Variants in EXOC6B observed in about 807,000 individuals in gnomAD.
EXOC6B encodes SEC15 homolog B.
EXOC6B carries 54 observed loss-of-function variants against 113.5 expected under a neutral mutation model. The observed-to-expected ratio is 0.48, with a 90% confidence interval of 0.38 to 0.60. The LOEUF (loss-of-function observed/expected upper bound fraction) is 0.60, where lower values mean the gene tolerates loss of function less well. Ranked by LOEUF, EXOC6B falls within the 20% of genes least tolerant of loss-of-function variation. The pLI, the probability that EXOC6B is intolerant of heterozygous loss-of-function variation, is 0.00. For synonymous variants in EXOC6B, 357 were observed against 339.0 expected (o/e 1.05, Z -0.58); for missense variants, 797 against 977.5 (o/e 0.82, Z 2.46).
At chr2:72,305,394 T>G (rs1235892404) in intron 20 of EXOC6B, among the ~76,000 whole-genome samples, 1 of 133,956 alleles carries the variant, frequency 7.5e-6, no homozygotes, top group African/African-American at 2.6e-5. Flanking sequence ...GAATGAGATT[T>G]TGGTCCTCAC....
intron 7 of EXOC6B, among the ~76,000 whole-genome samples, chr2:72,561,301 GA>G (rs879898090): frequency 4.6e-5 from 7 of 151,920 alleles, no homozygotes; most frequent in African/African-American, 9.7e-5. Flanking sequence ...ACATGCATAT[GA>G]AAAAAATATT....
chr2:72,650,240 T>C (rs1674063143), intron 6 of EXOC6B, among the ~76,000 whole-genome samples: 2 of 152,262 alleles, frequency 1.3e-5, no homozygotes, highest in South Asian at 2.1e-4. Flanking sequence ...CTACATCAGT[T>C]TGTGGAAAAA....
chr2:72,571,572 T>G (rs1353342605), intron 7 of EXOC6B, among the ~76,000 whole-genome samples: 1 of 152,148 alleles, frequency 6.6e-6, no homozygotes, highest in African/African-American at 2.4e-5. Flanking sequence ...TAGAAATACG[T>G]TTCTTTATAA....
At chr2:72,497,789 AAGTAAAGG>A (rs1203001442) in intron 13 of EXOC6B, among the ~76,000 whole-genome samples, 1 of 152,130 alleles carries the variant, frequency 6.6e-6, no homozygotes, top group African/African-American at 2.4e-5. Context: ...TAATCACTTA[AAGTAAAGG>A]AGTAAAGGTA....
At chr2:72,813,005 G>A (rs923792955) in intron 1 of EXOC6B, among the ~76,000 whole-genome samples, 4 of 152,090 alleles carry the variant, frequency 2.6e-5, no homozygotes, top group Non-Finnish European at 5.9e-5. Flanking sequence ...ATATCCAATA[G>A]ACTAGTATCT....
At chr2:72,262,022 T>C (rs1683753793) in intron 20 of EXOC6B, among the ~76,000 whole-genome samples, 1 of 152,140 alleles carries the variant, frequency 6.6e-6, no homozygotes, top group Non-Finnish European at 1.5e-5. Flanking sequence ...GAGATGGAAA[T>C]AGGACATAGA....
chr2:72,274,730 G>A (rs552004312), intron 20 of EXOC6B, among the ~76,000 whole-genome samples: 7 of 152,164 alleles, frequency 4.6e-5, no homozygotes, highest in East Asian at 1.9e-4. Context: ...AATCCACCCC[G>A]TAATAAAAGC....
At chr2:72,498,429 C>A in intron 13 of EXOC6B, 25 bp downstream of exon 13, 1 of 1,521,564 alleles carries the variant, frequency 6.6e-7, no homozygotes. Context: ...AACACACACA[C>A]ATATGACTAT....
intron 6 of EXOC6B, among the ~76,000 whole-genome samples, chr2:72,697,357 C>T (rs1677969136): frequency 6.6e-6 from 1 of 151,900 alleles, no homozygotes; most frequent in African/African-American, 2.4e-5. Context: ...TAGTAAGCTG[C>T]CATGCACTAG....
chr2:72,670,812 T>A (rs1198644174), intron 6 of EXOC6B, among the ~76,000 whole-genome samples: 1 of 152,194 alleles, frequency 6.6e-6, no homozygotes, highest in Non-Finnish European at 1.5e-5. Flanking sequence ...ATCCTCTCAA[T>A]GTTGGAGAGT....
At chr2:72,559,337 A>G in intron 8 of EXOC6B, 116 bp downstream of exon 8, 1 of 633,684 alleles carries the variant, frequency 1.6e-6, no homozygotes, top group Non-Finnish European at 2.4e-6. Context: ...CTTAAACAAC[A>G]AGAGTTTTCT....
In EXOC6B at chr2:72,819,726, C is replaced by T. The variant is rs1274055858; in HGVS notation, c.113+6072G>A. On this transcript the variant is annotated intron_variant, in intron 1 of 21. Coordinates refer to ENST00000272427, the MANE Select transcript of EXOC6B (RefSeq NM_015189.3). ...GACCAATGCCTAGCAGGTACCATGG[C>T]ACCCCATCTACATTGGAGGAAGAGT... 7.9e-5 allele frequency among the ~76,000 whole-genome samples: 12 copies of T among 152,226 alleles called. No homozygotes were observed. In the South Asian group the frequency reaches 2.3e-3, roughly 29 times the overall value.
At chr2:72,556,334 G>C (rs1001544297) in intron 8 of EXOC6B, among the ~76,000 whole-genome samples, 2 of 152,162 alleles carry the variant, frequency 1.3e-5, no homozygotes, top group East Asian at 1.9e-4. Context: ...TTTTGCCAGA[G>C]TTTCAATGGG....
intron 3 of EXOC6B, among the ~76,000 whole-genome samples, chr2:72,732,231 C>T (rs1473799689): frequency 6.6e-6 from 1 of 152,110 alleles, no homozygotes; most frequent in African/African-American, 2.4e-5. Flanking sequence ...TCAATGCAAC[C>T]TCAAACTCCT....
chr2:72,496,048 A>G (rs565575100), intron 14 of EXOC6B, among the ~76,000 whole-genome samples: 73 of 152,324 alleles, frequency 4.8e-4, no homozygotes, highest in Non-Finnish European at 9.3e-4. Flanking sequence ...GGTAATGGAT[A>G]CATAACTCAA....
chr2:72,460,535 A>G (rs1272741812), intron 18 of EXOC6B, among the ~76,000 whole-genome samples: 2 of 152,144 alleles, frequency 1.3e-5, no homozygotes, highest in African/African-American at 4.8e-5. Flanking sequence ...ACCCCATCAA[A>G]AAGTGGGTGA....
chr2:72,224,466 T>A (rs1681073261), intron 20 of EXOC6B, among the ~76,000 whole-genome samples: 1 of 151,914 alleles, frequency 6.6e-6, no homozygotes, highest in South Asian at 2.1e-4. Context: ...AATTTAAAAA[T>A]AAAATCAACA....
rs141626074 is a variant in EXOC6B at position 72,222,909 on chromosome 2, G to C, written c.2197-38722C>G. ...AGGTGAGGCTGACGGCTAAGGCACT[G>C]AGGAGGTACTTTTATGTAAGGGTTT... On this transcript the variant is annotated intron_variant, in intron 20 of 21. Transcript: ENST00000272427. Among the ~76,000 whole-genome samples, 419 of 152,288 alleles carry C rather than the reference G, an allele frequency of 2.8e-3. 3 individuals carry two copies. The highest frequency in any genetic ancestry group is 9.0e-3 in the African/African-American group (372 of 41,556).
intron 1 of EXOC6B, among the ~76,000 whole-genome samples, chr2:72,744,541 G>A (rs577385148): frequency 3.4e-4 from 52 of 152,278 alleles, no homozygotes; most frequent in African/African-American, 1.2e-3. Flanking sequence ...AGGTTTCCAT[G>A]TAAAGATACT....
Sources: gnomAD v4.1 joint callset for allele counts (sites outside exome capture counted in the v4.1 genomes callset) on GRCh38, gnomAD v4.1.1 for gene constraint, MANE v1.5 for transcripts, NCBI Gene and HGNC (gene_info 2026-07-23, HGNC 2026-07-21) for gene names.